The following NXPH1 variants were observed in gnomAD, a reference collection of about 807,000 sequenced individuals.
NXPH1 encodes the protein neurexophilin-1.
A neutral mutation model predicts 23.7 loss-of-function variants in NXPH1; 5 were observed. The ratio of observed to expected loss-of-function variants is 0.21; its 90% CI spans 0.11 to 0.44. The LOEUF is 0.44. Among genes scored for constraint, NXPH1 ranks in the 20% least tolerant of loss-of-function variants. The probability of loss-of-function intolerance (pLI) is 0.99; values close to 1 mark genes in which losing one functional copy is unlikely to be tolerated. For synonymous variants in NXPH1, 144 were observed against 122.2 expected, an observed-to-expected ratio of 1.18 and a Z score of -1.18; for missense variants, 324 against 321.6, an observed-to-expected ratio of 1.01 and a Z score of -0.06.
chr7:8,561,753 A>G (rs1584233234), intron 2 of NXPH1, among the ~76,000 whole-genome samples: 1 of 151,760 alleles, frequency 6.6e-6, no homozygotes, highest in South Asian at 2.1e-4. Flanking sequence ...GAAAAGAGAA[A>G]AAAAGTGTAG....
chr7:8,625,986 A>T (rs1229499567), intron 2 of NXPH1, among the ~76,000 whole-genome samples: 2 of 152,112 alleles, frequency 1.3e-5, no homozygotes, highest in African/African-American at 4.8e-5. Flanking sequence ...TTGTCTGTGA[A>T]TCTTTTATCT....
At chr7:8,716,327 G>T (rs1293614028) in intron 2 of NXPH1, among the ~76,000 whole-genome samples, 1 of 152,130 alleles carries the variant, frequency 6.6e-6, no homozygotes, top group Non-Finnish European at 1.5e-5. Flanking sequence ...TGTATAAAAA[G>T]TTCTAGGAAA....
intron 2 of NXPH1, among the ~76,000 whole-genome samples, chr7:8,695,733 A>G (rs1040422070): frequency 6.6e-6 from 1 of 152,178 alleles, no homozygotes; most frequent in African/African-American, 2.4e-5. Context: ...TCAGCACTCA[A>G]AACTTTTTTA....
chr7:8,484,363 G>C (rs993126), intron 2 of NXPH1, among the ~76,000 whole-genome samples: 1 of 151,306 alleles, frequency 6.6e-6, no homozygotes, highest in Non-Finnish European at 1.5e-5. Flanking sequence ...CACCGTAGCT[G>C]GTCTAGGTCT....
chr7:8,557,227 G>C (rs531950980), intron 2 of NXPH1, among the ~76,000 whole-genome samples: 1 of 151,544 alleles, frequency 6.6e-6, no homozygotes, highest in Non-Finnish European at 1.5e-5. Flanking sequence ...GGTACATCCC[G>C]GGCTTTTGTT....
In NXPH1 at chr7:8,659,022, C is replaced by G. The variant is rs1407846024; in HGVS notation, c.55-91986C>G. On this transcript the variant is annotated intron_variant, in intron 2 of 2. Coordinates refer to ENST00000405863, the MANE Select transcript of NXPH1 (RefSeq NM_152745.3). The stretch of plus-strand genomic sequence containing the variant: ...ATATATATATTTTTTTTTTTTTTTG[C>G]TAAAACAGAAAAAGTATAAGGTGAA... Among the ~76,000 whole-genome samples the G allele has an allele frequency of 3.7e-4, 7 of 18,790 alleles. 2 individuals are homozygous for G. Among genetic ancestry groups the G allele is most frequent in the African/African-American group, 7.3e-4 (7 of 9,546 alleles). The allele number at this position is 18,790 out of a possible 152,430, so 12.3% of individuals were successfully genotyped here. A position where few individuals can be genotyped will look rare whatever the true frequency, so the allele number is the denominator to read the frequency against.
chr7:8,716,016 A>G (rs1779873243), intron 2 of NXPH1, among the ~76,000 whole-genome samples: 1 of 152,102 alleles, frequency 6.6e-6, no homozygotes, highest in Admixed American at 6.6e-5. Flanking sequence ...TATATTTACA[A>G]TGGTGGGTTG....
intron 2 of NXPH1, among the ~76,000 whole-genome samples, chr7:8,452,255 C>G (rs1233986286): frequency 6.6e-6 from 1 of 152,152 alleles, no homozygotes; most frequent in East Asian, 1.9e-4. Context: ...TTCTAACAAT[C>G]CAATAACCGA....
At chr7:8,615,345 A>T (rs140321804) in intron 2 of NXPH1, among the ~76,000 whole-genome samples, 478 of 152,198 alleles carry the variant, frequency 3.1e-3, no homozygotes, top group African/African-American at 0.011. Flanking sequence ...AACCTCTCTG[A>T]GTACATTTAC....
At chr7:8,740,132 C>G (rs1780335663) in intron 2 of NXPH1, among the ~76,000 whole-genome samples, 1 of 152,178 alleles carries the variant, frequency 6.6e-6, no homozygotes, top group African/African-American at 2.4e-5. Context: ...TTCTGAAAGC[C>G]TTATTTTCCT....
At chr7:8,546,795 C>T (rs1053819927) in intron 2 of NXPH1, among the ~76,000 whole-genome samples, 5 of 151,380 alleles carry the variant, frequency 3.3e-5, no homozygotes, top group Admixed American at 1.3e-4. Flanking sequence ...TGGTGCTTAA[C>T]GTATTGATGC....
chr7:8,732,015 C>T (rs768343707), intron 2 of NXPH1, among the ~76,000 whole-genome samples: 93 of 152,364 alleles, frequency 6.1e-4, no homozygotes, highest in Non-Finnish European at 1.2e-3. Context: ...TAGGACCCTC[C>T]GAGCCAGGTG....
At chr7:8,555,381 C>G (rs1000224953) in intron 2 of NXPH1, among the ~76,000 whole-genome samples, 3 of 151,610 alleles carry the variant, frequency 2.0e-5, no homozygotes, top group Non-Finnish European at 3.0e-5. Context: ...ACAGAAGACA[C>G]CAGGCAGAAG....
intron 2 of NXPH1, among the ~76,000 whole-genome samples, chr7:8,659,856 AC>A (rs1183039564): frequency 6.6e-6 from 1 of 152,222 alleles, no homozygotes; most frequent in Non-Finnish European, 1.5e-5. Context: ...CTGAGGGTGC[AC>A]AGCACAGCAG....
chr7:8,624,052 A>AG (rs1261461764), intron 2 of NXPH1, among the ~76,000 whole-genome samples: 1 of 152,148 alleles, frequency 6.6e-6, no homozygotes, highest in African/African-American at 2.4e-5. Context: ...GCTAGAGGGA[A>AG]GGGGGATAAA....
chr7:8,593,301 G>A (rs541998207), intron 2 of NXPH1, among the ~76,000 whole-genome samples: 1 of 151,658 alleles, frequency 6.6e-6, no homozygotes, highest in South Asian at 2.1e-4. Flanking sequence ...TAGATTTTTG[G>A]GAATACATAG....
At chr7:8,750,510 A>T (rs16874238) in intron 2 of NXPH1, among the ~76,000 whole-genome samples, 27,699 of 152,124 alleles carry the variant, frequency 0.18, 3,006 homozygotes, top group East Asian at 0.46. Context: ...AGAGAATCAT[A>T]CAGTTTTAAA....
Position 8,433,722 on chromosome 7 carries a change from G to T in NXPH1, c.-1144G>T, listed in dbSNP as rs911869426. ...GTCGGCGCTCGAGGCCGGCAGGGGC[G>T]CCCTGCACCCTCCCGCGCCCTTCCC... On this transcript the variant is annotated 5_prime_UTR_variant, in exon 1 of 3. Coordinates refer to ENST00000405863, the MANE Select transcript of NXPH1 (RefSeq NM_152745.3). This position sits in a 1 kb window ranked among gnomAD's most constrained non-coding sequence, Gnocchi z 6.8. Among the ~76,000 whole-genome samples, 7 of 151,906 alleles carry T rather than the reference G, an allele frequency of 4.6e-5. No individual in the cohort carries two copies. Among genetic ancestry groups the T allele is most frequent in the African/African-American group, 1.7e-4 (7 of 41,374 alleles).
At chr7:8,562,060 G>A (rs566595648) in intron 2 of NXPH1, among the ~76,000 whole-genome samples, 2 of 151,578 alleles carry the variant, frequency 1.3e-5, no homozygotes, top group Non-Finnish European at 3.0e-5. Flanking sequence ...ACCATTTTAA[G>A]TGCTTGGCAT....
Sources: gnomAD v4.1 joint callset for allele counts (sites outside exome capture counted in the v4.1 genomes callset) on GRCh38, gnomAD v4.1.1 for gene constraint, Gnocchi (gnomAD v3.1) non-coding constraint, MANE v1.5 for transcripts, NCBI Gene and HGNC (gene_info 2026-07-23, HGNC 2026-07-21) for gene names.